The following DISP1 variants were observed in gnomAD, a reference collection of about 807,000 sequenced individuals.
DISP1 encodes dispatched RND transporter family member 1.
Under a neutral mutation model 37.3 loss-of-function variants are expected in DISP1, and 30 were observed. The ratio of observed to expected loss-of-function variants is 0.80; its 90% CI spans 0.60 to 1.09. The LOEUF (loss-of-function observed/expected upper bound fraction) is 1.09. Among genes scored for constraint, DISP1 ranks in the 50% least tolerant of loss-of-function variants. The probability of loss-of-function intolerance (pLI) is 0.00; values close to 1 mark genes in which losing one functional copy is unlikely to be tolerated. For synonymous variants in DISP1, 634 were observed against 690.2 expected, an observed-to-expected ratio of 0.92 and a Z score of 1.28; for missense variants, 1,598 against 1,879.5, an observed-to-expected ratio of 0.85 and a Z score of 2.77.
At chr1:222,903,169 G>C (rs1251977253) in intron 1 of DISP1, among the ~76,000 whole-genome samples, 1 of 151,466 alleles carries the variant, frequency 6.6e-6, no homozygotes, top group African/African-American at 2.4e-5. Context: ...GATGAAACTG[G>C]AAATCATTCT....
rs1666189443 is a variant in DISP1, at chr1:222,833,199, A to T, written c.-159+18121A>T. On this transcript the variant is annotated intron_variant, in intron 1 of 8. Coordinates refer to ENST00000675850, the MANE Select transcript of DISP1 (RefSeq NM_001377229.1). Reference sequence around the variant, plus strand: ...CACACTCTGTTTTAGACAGATTGGGATAGATATCTGATTGTCTTTGAGAAT... The same window carrying T: ...CACACTCTGTTTTAGACAGATTGGGTTAGATATCTGATTGTCTTTGAGAAT... 2.0e-5 allele frequency among the ~76,000 whole-genome samples: 3 copies of T among 152,176 alleles called. No homozygotes were observed. In the South Asian group the frequency reaches 6.2e-4, roughly 31 times the overall value.
intron 1 of DISP1, among the ~76,000 whole-genome samples, chr1:222,868,355 GTGTGTATA>G (rs1328502921): frequency 1.3e-5 from 2 of 151,984 alleles, no homozygotes; most frequent in Admixed American, 1.3e-4. Context: ...ATATATATGT[GTGTGTATA>G]TATGTTTATA....
intron 2 of DISP1, among the ~76,000 whole-genome samples, chr1:222,938,759 AAAAG>A (rs923792033): frequency 2.9e-5 from 3 of 102,318 alleles, no homozygotes; most frequent in East Asian, 4.0e-4. Context: ...AAAAAAAAAA[AAAAG>A]GAAGGAAGGA....
intron 3 of DISP1, among the ~76,000 whole-genome samples, chr1:222,952,854 A>G (rs1220442951): frequency 6.6e-6 from 1 of 151,822 alleles, no homozygotes; most frequent in Non-Finnish European, 1.5e-5. Flanking sequence ...AAAACAAAAC[A>G]AACAAACAAA....
intron 1 of DISP1, among the ~76,000 whole-genome samples, chr1:222,843,351 A>G (rs1221464954): frequency 6.6e-6 from 1 of 152,036 alleles, no homozygotes; most frequent in Non-Finnish European, 1.5e-5. Flanking sequence ...AAGTGACATT[A>G]TTTAAAATAT....
intron 1 of DISP1, among the ~76,000 whole-genome samples, chr1:222,844,004 CT>C (rs1667756304): frequency 6.6e-6 from 1 of 152,078 alleles, no homozygotes; most frequent in Non-Finnish European, 1.5e-5. Flanking sequence ...AAAGTACTAC[CT>C]TTTTACATGC....
chr1:222,845,907 T>G (rs1425269614), intron 1 of DISP1, among the ~76,000 whole-genome samples: 1 of 152,232 alleles, frequency 6.6e-6, no homozygotes, highest in African/African-American at 2.4e-5. Flanking sequence ...TAGTGACTAG[T>G]CAATGTCCTT....
intron 8 of DISP1, among the ~76,000 whole-genome samples, chr1:222,995,385 C>G (rs528392450): frequency 6.6e-6 from 1 of 152,286 alleles, no homozygotes; most frequent in South Asian, 2.1e-4. Context: ...AATGAAATGC[C>G]TGCCTCTCTG....
At position 222,994,882 on chromosome 1, in the gene DISP1, CA is replaced by C. The variant is rs772915047; in HGVS notation, c.890-2del. ...TCTTTCCTTTTTTTTTTCATATCAC[CA>C]GGTGACCGATATTCCAGAGTGGTAT... On this transcript the variant is annotated splice_acceptor_variant, in intron 7 of 8. Transcript: ENST00000675850. LOFTEE classifies it high-confidence loss of function. 1 of 1,599,198 alleles carries C rather than the reference CA, an allele frequency of 6.3e-7. No homozygotes were observed. The highest frequency in any genetic ancestry group is 2.2e-5 in the East Asian group (1 of 44,726).
intron 2 of DISP1, among the ~76,000 whole-genome samples, chr1:222,940,855 A>C (rs1187090671): frequency 6.6e-6 from 1 of 152,200 alleles, no homozygotes; most frequent in Non-Finnish European, 1.5e-5. Flanking sequence ...GTGCTCGTAC[A>C]ATGAGAGTTT....
rs1157851709 is a variant in DISP1 at position 223,003,483 on chromosome 1, T to C, written c.2086T>C (p.Phe696Leu). ...TTGCCAGAAGTGCCACAAAGTACTCTTTGCCATTTCAGAAGCATCTCGAAT... is the reference window on the plus strand; with the variant it reads ...TTGCCAGAAGTGCCACAAAGTACTCCTTGCCATTTCAGAAGCATCTCGAAT... ...VACQKCHKVL[F>L]AISEASRIFF... The change falls in exon 9 of 9, where the codon TTT becomes CTT. Residue 696 changes from phenylalanine (F) to leucine (L), a missense_variant. Transcript: ENST00000675850. The surrounding 1 kb of genome is among the most constrained non-coding windows in gnomAD (Gnocchi z 4.3). The C allele has an allele frequency of 3.7e-6, 6 of 1,614,098 alleles. No homozygotes were observed. In the African/African-American group the frequency reaches 6.7e-5, roughly 18 times the overall value.
intron 1 of DISP1, among the ~76,000 whole-genome samples, chr1:222,877,991 G>A (rs1011812921): frequency 6.6e-6 from 1 of 152,198 alleles, no homozygotes; most frequent in Admixed American, 6.5e-5. Flanking sequence ...AGATAAGGCT[G>A]GAGAAGTAGG....
At chr1:222,842,231 T>C (rs1253642554) in intron 1 of DISP1, among the ~76,000 whole-genome samples, 1 of 152,002 alleles carries the variant, frequency 6.6e-6, no homozygotes, top group Non-Finnish European at 1.5e-5. Context: ...GGTATTTTGA[T>C]TGTTTAAAGC....
chr1:222,955,168 C>G (rs1310269464), intron 3 of DISP1, among the ~76,000 whole-genome samples: 1 of 151,542 alleles, frequency 6.6e-6, no homozygotes, highest in Non-Finnish European at 1.5e-5. Context: ...CTCACTGCAA[C>G]CTCTGCCTCC....
intron 1 of DISP1, among the ~76,000 whole-genome samples, chr1:222,891,358 C>A (rs1187598387): frequency 1.3e-5 from 2 of 152,008 alleles, no homozygotes; most frequent in Non-Finnish European, 2.9e-5. Context: ...GTATTTTCAC[C>A]ATTTTCAGGT....
At chr1:222,999,135 T>C (rs564918644) in intron 8 of DISP1, among the ~76,000 whole-genome samples, 54 of 152,270 alleles carry the variant, frequency 3.5e-4, no homozygotes, top group African/African-American at 1.3e-3. Flanking sequence ...TCTCTTACTT[T>C]ACCCTCTATT....
At chr1:222,833,647 C>T (rs1341835638) in intron 1 of DISP1, among the ~76,000 whole-genome samples, 2 of 152,134 alleles carry the variant, frequency 1.3e-5, no homozygotes, top group Non-Finnish European at 2.9e-5. Context: ...TTTGCCATGA[C>T]TGTCTAAAAC....
At chr1:222,836,856 T>G (rs945991662) in intron 1 of DISP1, 3 of 370,660 alleles carry the variant, frequency 8.1e-6, no homozygotes, top group Non-Finnish European at 1.4e-5. Flanking sequence ...GAATCCTGGC[T>G]TAATCATTGC....
At chr1:222,957,891 G>A (rs191660708) in intron 3 of DISP1, among the ~76,000 whole-genome samples, 3 of 152,188 alleles carry the variant, frequency 2.0e-5, no homozygotes, top group Non-Finnish European at 4.4e-5. Context: ...AACTGAAGCT[G>A]TTACATGAAA....
Sources: allele counts gnomAD v4.1 joint callset (sites outside exome capture counted in the v4.1 genomes callset), GRCh38; gene constraint gnomAD v4.1.1; non-coding constraint Gnocchi (gnomAD v3.1); transcripts MANE v1.5; gene names NCBI Gene and HGNC (gene_info 2026-07-23, HGNC 2026-07-21).